FBXO34: variants seen among roughly 807,000 people sequenced by gnomAD.
The protein encoded by FBXO34 is F-box protein 34, also known as F-box only protein 34.
Under a neutral mutation model 24.5 loss-of-function variants are expected in FBXO34, and 12 were observed. The ratio of observed to expected loss-of-function variants is 0.49; its 90% CI spans 0.31 to 0.79. FBXO34 has a LOEUF of 0.79. Ranked by LOEUF, FBXO34 falls within the 30% of genes least tolerant of loss-of-function variation. FBXO34 has a pLI of 0.04. For missense variants in FBXO34, 823 were observed against 857.7 expected (o/e 0.96, Z 0.51); for synonymous variants, 320 against 311.9 (o/e 1.03, Z -0.27).
chr14:55,343,241 A>ATTTTTTTTTTTTTTTTTTTTTTTCTATCT (rs377334751), intron 1 of FBXO34, among the ~76,000 whole-genome samples: 1 of 130,894 alleles, frequency 7.6e-6, no homozygotes, highest in Admixed American at 7.8e-5. Flanking sequence ...TATTCCTCCG[A>ATTTTTTTTTTTTTTTTTTTTTTTCTATCT]TTTTTTTTTT....
At chr14:55,370,603 C>T (rs1884792450), downstream of FBXO34, among the ~76,000 whole-genome samples, 1 of 151,866 alleles carries the variant, frequency 6.6e-6, no homozygotes, top group South Asian at 2.1e-4. Flanking sequence ...CACCTCAGCA[C>T]AGGGAACCGA....
chr14:55,393,392 A>AC, the FBXO34 span, among the ~76,000 whole-genome samples: 5 of 152,086 alleles, frequency 3.3e-5, no homozygotes, highest in African/African-American at 1.2e-4. Context: ...CTCAAAAAAA[A>AC]GAGGAAAAAA....
intron 1 of FBXO34, among the ~76,000 whole-genome samples, chr14:55,312,472 C>T (rs910711447): frequency 2.6e-5 from 4 of 152,144 alleles, no homozygotes; most frequent in African/African-American, 9.7e-5. Context: ...TAGGCAGTAC[C>T]CCAGTGGAGA....
At chr14:55,411,822 T>C in the FBXO34 span, 1 of 1,589,498 alleles carries the variant, frequency 6.3e-7, no homozygotes, top group Non-Finnish European at 8.6e-7. Flanking sequence ...GGAGACGCCA[T>C]GATGGCCTGA....
the FBXO34 span, among the ~76,000 whole-genome samples, chr14:55,410,627 T>C: frequency 6.6e-6 from 1 of 152,258 alleles, no homozygotes; most frequent in Non-Finnish European, 1.5e-5. Flanking sequence ...TAAAGTCTAG[T>C]GGTTAAGTGC....
intron 1 of FBXO34, among the ~76,000 whole-genome samples, chr14:55,274,306 GAGGGACAACGAC>G (rs1344799281): frequency 6.6e-6 from 1 of 152,198 alleles, no homozygotes; most frequent in Non-Finnish European, 1.5e-5. Flanking sequence ...TGATGTGACT[GAGGGACAACGAC>G]AGATATTTAA....
At chr14:55,415,372 A>C in the FBXO34 span, among the ~76,000 whole-genome samples, 1 of 152,216 alleles carries the variant, frequency 6.6e-6, no homozygotes. Flanking sequence ...GGAACAAAAA[A>C]TGGCTCAGCT....
the FBXO34 span, chr14:55,382,286 C>T: frequency 9.8e-7 from 1 of 1,015,578 alleles, no homozygotes; most frequent in Non-Finnish European, 1.5e-6. Flanking sequence ...CGAAAAGCTG[C>T]CTATGAGCAC....
intron 3 of FBXO34, among the ~76,000 whole-genome samples, chr14:55,359,798 T>A (rs1266759612): frequency 6.6e-6 from 1 of 151,894 alleles, no homozygotes; most frequent in Non-Finnish European, 1.5e-5. Context: ...TTATCAGGAA[T>A]AGATTTCATT....
chr14:55,275,043 T>C (rs755654744), intron 1 of FBXO34, among the ~76,000 whole-genome samples: 8 of 152,246 alleles, frequency 5.3e-5, no homozygotes, highest in Non-Finnish European at 1.2e-4. Flanking sequence ...TCAGTTCTTA[T>C]CTTTGCATAA....
At chr14:55,353,835 G>T (rs938104679), downstream of FBXO34, among the ~76,000 whole-genome samples, 2 of 152,074 alleles carry the variant, frequency 1.3e-5, no homozygotes, top group Admixed American at 1.3e-4. Flanking sequence ...TTTCCTGTTC[G>T]AGTGACGTAT....
At chr14:55,375,699 A>T in the FBXO34 span, among the ~76,000 whole-genome samples, 1 of 151,968 alleles carries the variant, frequency 6.6e-6, no homozygotes, top group Non-Finnish European at 1.5e-5. Flanking sequence ...TTCAATAATT[A>T]TACCATCTAC....
intron 1 of FBXO34, among the ~76,000 whole-genome samples, chr14:55,324,222 CATG>C (rs1179085587): frequency 1.3e-5 from 2 of 152,168 alleles, no homozygotes; most frequent in East Asian, 3.9e-4. Context: ...TTTCACTTAG[CATG>C]ATGTCTTCAA....
intron 1 of FBXO34, among the ~76,000 whole-genome samples, chr14:55,293,703 G>C (rs1053608424): frequency 6.6e-6 from 1 of 152,020 alleles, no homozygotes; most frequent in African/African-American, 2.4e-5. Context: ...TCTTTGCTAA[G>C]GTTCCTGTGA....
At chr14:55,441,275 T>C in the FBXO34 span, among the ~76,000 whole-genome samples, 22 of 152,092 alleles carry the variant, frequency 1.4e-4, no homozygotes, top group African/African-American at 4.8e-4. Flanking sequence ...TCCCTAGCAG[T>C]TGGAATTACA....
Position 55,351,724 on chromosome 14 carries a change from G to T in FBXO34, c.1334G>T (p.Arg445Leu). Reference protein sequence around the residue: ...MSRELVSLTSRNPDQRKESLC... With the variant: ...MSRELVSLTSLNPDQRKESLC... ...AGAGAGCTTGTGTCCCTTACTAGCC[G>T]AAATCCTGATCAAAGAAAAGAATCT... is the stretch of plus-strand genomic sequence containing the variant. Residue 445 changes from arginine to leucine, a missense_variant, in exon 2 of 2, where the codon CGA becomes CTA. Around this residue, in one of 2 missense-constraint regions of FBXO34, gnomAD observed 693 missense variants for 659.1 expected, o/e 1.05. Transcript: ENST00000313833. 1 of 1,614,146 alleles carries T rather than the reference G, an allele frequency of 6.2e-7. No homozygotes were observed. The highest frequency in any genetic ancestry group is 8.5e-7 in the Non-Finnish European group (1 of 1,180,040).
At position 55,283,851 on chromosome 14, in the gene FBXO34, A is replaced by G. The variant is rs537459742; in HGVS notation, c.-11+12314A>G. 1.6e-4 allele frequency among the ~76,000 whole-genome samples: 24 copies of G among 152,240 alleles called. 2 individuals are homozygous for G. The South Asian group carries it at 5.0e-3, about 32-fold the overall frequency. On this transcript the variant is annotated intron_variant, in intron 1 of 1. Coordinates refer to ENST00000313833, the MANE Select transcript of FBXO34 (RefSeq NM_017943.4). ...GGTTATTAAAGTCCAAAAAAATACT[A>G]ACTTTACTGGAGAGTTCACATTTTT...
the FBXO34 span, among the ~76,000 whole-genome samples, chr14:55,387,468 G>A: frequency 1.4e-4 from 22 of 152,088 alleles, no homozygotes; most frequent in African/African-American, 4.3e-4. Flanking sequence ...TTTGCTCTTC[G>A]GAACCCTATG....
chr14:55,378,085 AACAT>A, the FBXO34 span: 3 of 1,606,872 alleles, frequency 1.9e-6, no homozygotes, highest in African/African-American at 1.3e-5. Context: ...CTGTAAAACA[AACAT>A]ACAATTTATA....
Sources: allele counts gnomAD v4.1 joint callset (sites outside exome capture counted in the v4.1 genomes callset), GRCh38; gene constraint gnomAD v4.1.1; regional missense constraint gnomAD v4.1.1; transcripts MANE v1.5; gene names NCBI Gene and HGNC (gene_info 2026-07-23, HGNC 2026-07-21).